Variants in FARP1 observed in about 807,000 individuals in gnomAD.
The protein encoded by FARP1 is FERM, ARHGEF and pleckstrin domain-containing protein 1.
Under a neutral mutation model 128.8 loss-of-function variants are expected in FARP1, and 52 were observed. The ratio of observed to expected loss-of-function variants is 0.40; its 90% CI spans 0.32 to 0.51. The LOEUF is 0.51. FARP1 is among the 20% of genes least tolerant of loss of function. The pLI, the probability that FARP1 is intolerant of heterozygous loss-of-function variation, is 0.45. For synonymous variants in FARP1, 580 were observed against 551.8 expected (o/e 1.05, Z -0.72); for missense variants, 1,333 against 1,367.9 (o/e 0.97, Z 0.40).
At position 98,352,517 on chromosome 13, in the gene FARP1, G is replaced by A. The variant is rs547879924; in HGVS notation, c.276+8651G>A. ...CAATCGAGCCAGGGAACTTGAGAAA[G>A]CACGCTTCCATATCCTTCAACACTG... On this transcript the variant is annotated intron_variant, in intron 3 of 26. Transcript: ENST00000319562. Among the ~76,000 whole-genome samples the A allele has an allele frequency of 2.0e-5, 3 of 152,282 alleles. No homozygotes were observed. The East Asian group carries it at 5.8e-4, about 29-fold the overall frequency.
At position 98,244,762 on chromosome 13, in the gene FARP1, A is replaced by G. The variant is rs963207017; in HGVS notation, c.171+31349A>G. 10 of 1,600,284 alleles carry G rather than the reference A, an allele frequency of 6.2e-6. No homozygotes were observed. The African/African-American group carries it at 6.7e-5, about 11-fold the overall frequency. The stretch of plus-strand genomic sequence containing the variant: ...TTTCATTCAAAGAAATTGATTGGCA[A>G]TGGCCAGAGTTAAATTCAAAGGTGA... On this transcript the variant is annotated intron_variant, in intron 2 of 26. Transcript: ENST00000319562.
chr13:98,198,085 C>T (rs1284317320), intron 1 of FARP1, among the ~76,000 whole-genome samples: 1 of 152,002 alleles, frequency 6.6e-6, no homozygotes, highest in African/African-American at 2.4e-5. Context: ...TTATTAAGTC[C>T]TGTCATTTTC....
At chr13:98,418,275 GTTTTTTGTTT>G (rs1891463954) in intron 16 of FARP1, among the ~76,000 whole-genome samples, 1 of 126,094 alleles carries the variant, frequency 7.9e-6, no homozygotes, top group African/African-American at 3.7e-5. Context: ...GTTTTGTTTT[GTTTTTTGTTT>G]TTTTTTTGAG....
chr13:98,267,505 A>C (rs1307125264), intron 2 of FARP1, among the ~76,000 whole-genome samples: 1 of 152,024 alleles, frequency 6.6e-6, no homozygotes, highest in African/African-American at 2.4e-5. Flanking sequence ...TATCCTTCCC[A>C]AGGTTGGACT....
At chr13:98,255,904 C>T (rs1323839194) in intron 2 of FARP1, among the ~76,000 whole-genome samples, 4 of 152,164 alleles carry the variant, frequency 2.6e-5, no homozygotes, top group African/African-American at 9.7e-5. Flanking sequence ...AACTGTAGGC[C>T]ATTGTGTGCG....
intron 2 of FARP1, among the ~76,000 whole-genome samples, chr13:98,248,850 T>C (rs1278937311): frequency 1.3e-5 from 2 of 152,024 alleles, no homozygotes; most frequent in Admixed American, 1.3e-4. Context: ...AAAATGGCTC[T>C]GAAGTGTAGT....
At chr13:98,346,356 A>G (rs1463704084) in intron 3 of FARP1, among the ~76,000 whole-genome samples, 21 of 151,312 alleles carry the variant, frequency 1.4e-4, no homozygotes, top group African/African-American at 5.1e-4. Context: ...CGCCCGGCTA[A>G]TTTTTGTATT....
At chr13:98,402,378 G>C (rs1220582146) in intron 13 of FARP1, 2 of 152,474 alleles carry the variant, frequency 1.3e-5, no homozygotes, top group African/African-American at 2.4e-5. Context: ...GGCGGTAGTG[G>C]TGTGGGGGTT....
At chr13:98,179,984 C>A (rs1043375933) in intron 1 of FARP1, among the ~76,000 whole-genome samples, 1 of 152,152 alleles carries the variant, frequency 6.6e-6, no homozygotes. Flanking sequence ...TCAGCCTCCA[C>A]AGAAGAGATA....
At chr13:98,341,199 CTG>C (rs1159683875) in intron 2 of FARP1, among the ~76,000 whole-genome samples, 1 of 151,956 alleles carries the variant, frequency 6.6e-6, no homozygotes, top group Non-Finnish European at 1.5e-5. Context: ...CTTGGCTCCT[CTG>C]TTTCATGCTG....
intron 12 of FARP1, 54 bp downstream of exon 12, chr13:98,393,772 C>A: frequency 1.5e-6 from 2 of 1,368,984 alleles, no homozygotes; most frequent in Non-Finnish European, 2.1e-6. Context: ...ACTTCCTCCA[C>A]GGAGCCCTGG....
intron 23 of FARP1, 64 bp downstream of exon 23, chr13:98,440,299 C>T: frequency 3.4e-6 from 4 of 1,183,408 alleles, no homozygotes; most frequent in Non-Finnish European, 5.1e-6. Context: ...AGCATTTCTG[C>T]ATCTAAAGCC....
At chr13:98,442,395 G>A (rs1250126598) in intron 24 of FARP1, among the ~76,000 whole-genome samples, 15 of 152,184 alleles carry the variant, frequency 9.9e-5, no homozygotes, top group Admixed American at 7.9e-4. Context: ...GCTACAAGCC[G>A]CTTGTTTCTA....
At chr13:98,259,731 G>C (rs1292978965) in intron 2 of FARP1, among the ~76,000 whole-genome samples, 6 of 152,050 alleles carry the variant, frequency 3.9e-5, no homozygotes, top group African/African-American at 4.8e-5. Context: ...TTGCATGCTT[G>C]AGAGAAAGAG....
intron 1 of FARP1, chr13:98,177,055 C>T (rs1482387883): frequency 1.9e-6 from 3 of 1,594,562 alleles, no homozygotes; most frequent in South Asian, 2.2e-5. Context: ...CGGTGCCACC[C>T]GCGGGGGCTG....
chr13:98,309,267 C>T (rs1487400565), intron 2 of FARP1, among the ~76,000 whole-genome samples: 5 of 142,540 alleles, frequency 3.5e-5, no homozygotes. Context: ...CCCGGGTTCA[C>T]GCCATTCTCC....
At position 98,411,833 on chromosome 13, in the gene FARP1, C is replaced by G; in HGVS notation, c.1693-68C>G. The stretch of plus-strand genomic sequence containing the variant: ...CAGTGCATTTGGCTGCATGTGACTT[C>G]TGGAGAAAACTGCAGACACTCGTCA... On this transcript the variant is annotated intron_variant, in intron 15 of 26. Coordinates refer to ENST00000319562, the MANE Select transcript of FARP1 (RefSeq NM_005766.4). 2.6e-6 allele frequency: 4 copies of G among 1,559,532 alleles called. No homozygotes were observed. In the South Asian group the frequency reaches 3.5e-5, roughly 14 times the overall value.
intron 2 of FARP1, among the ~76,000 whole-genome samples, chr13:98,224,786 A>G (rs953716755): frequency 2.6e-5 from 4 of 152,092 alleles, no homozygotes; most frequent in African/African-American, 7.2e-5. Flanking sequence ...GGAGGCGACC[A>G]TGACTTCTGC....
At chr13:98,396,783 C>T (rs1450749998) in intron 13 of FARP1, 2 of 298,060 alleles carry the variant, frequency 6.7e-6, no homozygotes, top group Non-Finnish European at 1.2e-5. Flanking sequence ...GGAAGAAACA[C>T]TTTATTATGA....
Sources: gnomAD v4.1 joint callset for allele counts (sites outside exome capture counted in the v4.1 genomes callset) on GRCh38, gnomAD v4.1.1 for gene constraint, MANE v1.5 for transcripts, NCBI Gene and HGNC (gene_info 2026-07-23, HGNC 2026-07-21) for gene names.